DNAJC14: variants seen among roughly 807,000 people sequenced by gnomAD.
The protein encoded by DNAJC14 is dnaJ homolog subfamily C member 14.
In DNAJC14, 12 loss-of-function variants were observed where a neutral mutation model predicts 68.8. The observed-to-expected ratio is 0.17, with a 90% CI of 0.11 to 0.28. The LOEUF (loss-of-function observed/expected upper bound fraction) is 0.28. Ranked by LOEUF, DNAJC14 falls within the 10% of genes least tolerant of loss-of-function variation. The probability of loss-of-function intolerance (pLI) is 1.00; values close to 1 mark genes in which losing one functional copy is unlikely to be tolerated. For missense variants in DNAJC14, 764 were observed against 875.6 expected (o/e 0.87, Z 1.61); for synonymous variants, 350 against 321.5 (o/e 1.09, Z -0.95).
chr12:55,827,862 A>G lies in DNAJC14; in HGVS notation c.797T>C (p.Val266Ala). Reference sequence around the variant, plus strand: ...ATAGATGAGATGGCCACAAGTTTCTACGTACTCTCCCACCAATACCAGCAG... The same window carrying G: ...ATAGATGAGATGGCCACAAGTTTCTGCGTACTCTCCCACCAATACCAGCAG... Reference protein sequence around the residue: ...IELLVLVGEYVETCGHLIYAC... With the variant: ...IELLVLVGEYAETCGHLIYAC... The change falls in exon 2 of 7, where the codon GTA becomes GCA. Residue 266 changes from valine (V) to alanine (A), a missense_variant. Physicochemically the swap from Val to Ala is moderately conservative, Grantham distance 64. Transcript: ENST00000678005. 6.2e-7 allele frequency: 1 copy of G among 1,613,588 alleles called. No homozygotes were observed. Among genetic ancestry groups the G allele is most frequent in the Non-Finnish European group, 8.5e-7 (1 of 1,179,674 alleles).
rs549849487 is a variant in DNAJC14 at position 55,826,839 on chromosome 12, C to G, written c.1407+413G>C. Among the ~76,000 whole-genome samples the G allele has an allele frequency of 7.9e-4, 120 of 151,452 alleles. 6 individuals carry two copies. Among genetic ancestry groups the G allele is most frequent in the Admixed American group, 7.0e-3 (106 of 15,228 alleles). Reference sequence around the variant, plus strand: ...AGAAGAACGTTAACCTTCACCTACCCGTTAACTTTCTACTCTGCCTTCCCT... The same window carrying G: ...AGAAGAACGTTAACCTTCACCTACCGGTTAACTTTCTACTCTGCCTTCCCT... On this transcript the variant is annotated intron_variant, in intron 2 of 6. Coordinates refer to ENST00000678005, the MANE Select transcript of DNAJC14 (RefSeq NM_032364.6).
intron 4 of DNAJC14, 95 bp downstream of exon 4, chr12:55,822,975 G>T: frequency 1.9e-6 from 3 of 1,543,968 alleles, no homozygotes; most frequent in South Asian, 1.2e-5. Context: ...ATGAGATACA[G>T]ATGTAACTCA....
At position 55,821,590 on chromosome 12, in the gene DNAJC14, TGTA is replaced by T. The variant is rs1489931562; in HGVS notation, c.*384_*386del. The T allele has an allele frequency of 6.4e-6, 1 of 157,388 alleles. No individual in the cohort carries two copies. Among genetic ancestry groups the T allele is most frequent in the Non-Finnish European group, 1.4e-5 (1 of 71,338 alleles). The allele number at this position is 157,388 out of a possible 1,614,324, so 9.7% of individuals were successfully genotyped here. A position where few individuals can be genotyped will look rare whatever the true frequency, so the allele number is the denominator to read the frequency against. On this transcript the variant is annotated 3_prime_UTR_variant, in exon 7 of 7. Transcript: ENST00000678005. ...CAGGCCGGGCACAGTGGCTTATGCC[TGTA>T]ATCCAGCACTTTGGGAGGCCAAGAC... is the stretch of plus-strand genomic sequence containing the variant.
In DNAJC14 at chr12:55,822,738, A is replaced by G. The variant is rs774105541; in HGVS notation, c.1635-6T>C. The G allele has an allele frequency of 1.9e-6, 3 of 1,613,840 alleles. No individual in the cohort carries two copies. Among genetic ancestry groups the G allele is most frequent in the South Asian group, 2.2e-5 (2 of 91,064 alleles). On this transcript the variant is annotated splice_polypyrimidine_tract_variant and splice_region_variant and intron_variant, in intron 4 of 6. Transcript: ENST00000678005. The stretch of plus-strand genomic sequence containing the variant: ...CCCGGTCCATTTCAAACCTCCTGCA[A>G]CCAACAAAAGGATAGTTCCTTAATA...
chr12:55,826,597 C>T lies in DNAJC14; in HGVS notation c.1407+655G>A, dbSNP rs1400021750. On this transcript the variant is annotated intron_variant, in intron 2 of 6. Coordinates refer to ENST00000678005, the MANE Select transcript of DNAJC14 (RefSeq NM_032364.6). Reference sequence around the variant, plus strand: ...CGAGCGGATCATGAGGTCAGGAGATCGAGACCATCCTGGCTAACACGGTGA... The same window carrying T: ...CGAGCGGATCATGAGGTCAGGAGATTGAGACCATCCTGGCTAACACGGTGA... 2.0e-5 allele frequency among the ~76,000 whole-genome samples: 3 copies of T among 151,900 alleles called. No individual in the cohort carries two copies. In the South Asian group the frequency reaches 6.2e-4, roughly 31 times the overall value.
intron 2 of DNAJC14, among the ~76,000 whole-genome samples, chr12:55,825,653 C>T (rs1880775082): frequency 2.0e-5 from 3 of 149,632 alleles, no homozygotes; most frequent in Non-Finnish European, 3.0e-5. Flanking sequence ...ACACCATTCT[C>T]CTGCCTCAGC....
intron 1 of DNAJC14, 193 bp downstream of exon 1, chr12:55,829,296 T>G: frequency 1.2e-6 from 1 of 866,106 alleles, no homozygotes; most frequent in Non-Finnish European, 1.4e-6. Context: ...AATACAGAAA[T>G]TCGCCAGGCG....
chr12:55,828,492 T>C lies in DNAJC14; in HGVS notation c.167A>G (p.His56Arg). 1 of 1,613,982 alleles carries C rather than the reference T, an allele frequency of 6.2e-7. No homozygotes were observed. The highest frequency in any genetic ancestry group is 8.5e-7 in the Non-Finnish European group (1 of 1,179,986). Residue 56 changes from histidine to arginine, a missense_variant, in exon 2 of 7, where the codon CAC (histidine) becomes CGC (arginine). His to Arg is a conservative substitution (Grantham distance 29). Coordinates refer to ENST00000678005, the MANE Select transcript of DNAJC14 (RefSeq NM_032364.6). Reference protein sequence around the residue: ...APNGTRCLTEHSGPKHTQHPN... With the variant: ...APNGTRCLTERSGPKHTQHPN... The stretch of plus-strand genomic sequence containing the variant: ...GTGCTGTGTGTGCTTAGGACCAGAG[T>C]GCTCTGTGAGGCAGCGGGTACCATT...
At chr12:55,824,003 T>C (rs1389659541) in intron 2 of DNAJC14, among the ~76,000 whole-genome samples, 3 of 151,760 alleles carry the variant, frequency 2.0e-5, no homozygotes, top group Non-Finnish European at 4.4e-5. Context: ...CATGAATATC[T>C]ATCATGGATT....
chr12:55,827,305 C>G lies in DNAJC14; in HGVS notation c.1354G>C (p.Ala452Pro). The G allele has an allele frequency of 6.3e-7, 1 of 1,591,214 alleles. No individual in the cohort carries two copies. Among genetic ancestry groups the G allele is most frequent in the South Asian group, 1.1e-5 (1 of 88,030 alleles). ...LNPFHVLGVE[A>P]TASDVELKKA... ...TTCAGTTCAACATCTGATGCTGTGGCCTCAACCCCCAGTACATGGAAAGGG... is the reference window on the plus strand; with the variant it reads ...TTCAGTTCAACATCTGATGCTGTGGGCTCAACCCCCAGTACATGGAAAGGG... The change falls in exon 2 of 7, where the codon GCC becomes CCC. Residue 452 changes from alanine (A) to proline (P), a missense_variant. Around this residue, in one of 4 missense-constraint regions of DNAJC14, gnomAD observed 110 missense variants for 162.7 expected, o/e 0.68. Coordinates refer to ENST00000678005, the MANE Select transcript of DNAJC14 (RefSeq NM_032364.6).
Position 55,822,421 on chromosome 12 carries a change from T to A in DNAJC14, c.1850A>T (p.Tyr617Phe). ...GISPDTHRVP[Y>F]HISFGSRIPG... The stretch of plus-strand genomic sequence containing the variant: ...AATCCGAGAACCAAATGAGATGTGA[T>A]AGGGGACTCTGTGGGTATCTGGGGA... Residue 617 changes from tyrosine to phenylalanine, a missense_variant, in exon 6 of 7, where the codon TAT (tyrosine) becomes TTT (phenylalanine). Physicochemically the swap from Tyr to Phe is conservative, Grantham distance 22. Coordinates refer to ENST00000678005, the MANE Select transcript of DNAJC14 (RefSeq NM_032364.6). The A allele has an allele frequency of 6.2e-7, 1 of 1,613,612 alleles. No homozygotes were observed. Among genetic ancestry groups the A allele is most frequent in the Non-Finnish European group, 8.5e-7 (1 of 1,180,024 alleles).
Position 55,827,534 on chromosome 12 carries a change from C to T in DNAJC14, c.1125G>A (p.Gln375=). The change falls in exon 2 of 7, where the codon CAG becomes CAA. Residue 375 remains glutamine (Q), a synonymous_variant. Coordinates refer to ENST00000678005, the MANE Select transcript of DNAJC14 (RefSeq NM_032364.6). ...TATCTCTCAGCAGAGTCAAGCAACG[C>T]TGCAAGGCTGGAGAATCCAGCCAAG... is the stretch of plus-strand genomic sequence containing the variant. ...LFSWLDSPAL[Q]RCLTLLRDSR... 4 of 1,606,428 alleles carry T rather than the reference C, an allele frequency of 2.5e-6. No homozygotes were observed. The highest frequency in any genetic ancestry group is 3.4e-6 in the Non-Finnish European group (4 of 1,173,518).
chr12:55,826,271 C>CTTTTTTT (rs1164806475), intron 2 of DNAJC14, among the ~76,000 whole-genome samples: 9 of 85,778 alleles, frequency 1.0e-4, no homozygotes, highest in South Asian at 4.3e-4. Flanking sequence ...GGGAAAATAT[C>CTTTTTTT]TTTTTTTTTT....
chr12:55,826,487 T>C (rs918282058), intron 2 of DNAJC14, among the ~76,000 whole-genome samples: 1 of 151,352 alleles, frequency 6.6e-6, no homozygotes, highest in Admixed American at 6.6e-5. Flanking sequence ...GCCCAAAAAG[T>C]CTTTATGACT....
intron 2 of DNAJC14, among the ~76,000 whole-genome samples, chr12:55,824,928 C>T (rs1411590931): frequency 1.3e-5 from 2 of 151,858 alleles, no homozygotes; most frequent in Admixed American, 6.6e-5. Flanking sequence ...TCCAGGAGTT[C>T]GAGATCAGGC....
At chr12:55,823,767 C>T (rs1045359475) in intron 2 of DNAJC14, among the ~76,000 whole-genome samples, 1 of 148,930 alleles carries the variant, frequency 6.7e-6, no homozygotes, top group Non-Finnish European at 1.5e-5. Flanking sequence ...TGCAGTGGCA[C>T]GATCTCAGCT....
At position 55,827,564 on chromosome 12, in the gene DNAJC14, G is replaced by A. The variant is rs531447701; in HGVS notation, c.1095C>T (p.Leu365=). 1.2e-5 allele frequency: 20 copies of A among 1,606,582 alleles called. No homozygotes were observed. The South Asian group carries it at 1.8e-4, about 14-fold the overall frequency. The change falls in exon 2 of 7, where the codon CTC becomes CTT. Residue 365 remains leucine, a synonymous_variant. Coordinates refer to ENST00000678005, the MANE Select transcript of DNAJC14 (RefSeq NM_032364.6). ...RLGWRDKATW[L]FSWLDSPALQ... is the part of the protein sequence containing the mutation. ...AGGCTGGAGAATCCAGCCAAGAGAA[G>A]AGCCAGGTAGCCTTATCCCTCCAGC...
chr12:55,823,961 C>T (rs779778777), intron 2 of DNAJC14, among the ~76,000 whole-genome samples: 1 of 151,268 alleles, frequency 6.6e-6, no homozygotes, highest in Non-Finnish European at 1.5e-5. Flanking sequence ...ACCTCAGCCT[C>T]CCAAAGTGCT....
At chr12:55,823,558 A>G in intron 2 of DNAJC14, 50 bp from the exon 3 acceptor site, 1 of 1,509,006 alleles carries the variant, frequency 6.6e-7, no homozygotes, top group Non-Finnish European at 9.2e-7. Flanking sequence ...CCCTCTCCTC[A>G]CCTTGAATTT....
Sources: allele counts gnomAD v4.1 joint callset (sites outside exome capture counted in the v4.1 genomes callset), GRCh38; gene constraint gnomAD v4.1.1; regional missense constraint gnomAD v4.1.1; transcripts MANE v1.5; gene names NCBI Gene and HGNC (gene_info 2026-07-23, HGNC 2026-07-21).